SPATA16: variants seen among roughly 807,000 people sequenced by gnomAD.
SPATA16 encodes the protein spermatogenesis associated 16, also known as spermatogenesis-associated protein 16.
In SPATA16, 36 loss-of-function variants were observed where a neutral mutation model predicts 63.3. That is an observed-to-expected ratio of 0.57 (90% confidence interval 0.44 to 0.75). The LOEUF (loss-of-function observed/expected upper bound fraction) is 0.75, where lower values mean the gene tolerates loss of function less well. Ranked by LOEUF, SPATA16 falls within the 30% of genes least tolerant of loss-of-function variation. The probability of loss-of-function intolerance (pLI) is 0.00; values close to 1 mark genes in which losing one functional copy is unlikely to be tolerated. For synonymous variants in SPATA16, 203 were observed against 216.7 expected (o/e 0.94, Z 0.56); for missense variants, 646 against 679.3 (o/e 0.95, Z 0.54).
chr3:172,961,959 A>T (rs1166026945), intron 5 of SPATA16, among the ~76,000 whole-genome samples: 1 of 152,052 alleles, frequency 6.6e-6, no homozygotes, highest in African/African-American at 2.4e-5. Context: ...AGCTGCCTTA[A>T]GAAAGAGGAC....
chr3:172,980,359 A>G (rs1163727072), intron 4 of SPATA16, among the ~76,000 whole-genome samples: 2 of 152,182 alleles, frequency 1.3e-5, no homozygotes, highest in African/African-American at 4.8e-5. Context: ...TCTCTCTACC[A>G]TTAGAACAAT....
At chr3:173,049,361 T>C (rs571509107) in intron 2 of SPATA16, among the ~76,000 whole-genome samples, 1 of 152,250 alleles carries the variant, frequency 6.6e-6, no homozygotes, top group African/African-American at 2.4e-5. Context: ...TACTGTAAAA[T>C]CCTTCCTGTA....
intron 1 of SPATA16, among the ~76,000 whole-genome samples, chr3:173,125,356 C>T (rs1415085586): frequency 6.6e-6 from 1 of 152,180 alleles, no homozygotes. Flanking sequence ...ACACAGCAAC[C>T]CAAGTCATCC....
At position 172,982,881 on chromosome 3, in the gene SPATA16, A is replaced by G. The variant is rs143444318; in HGVS notation, c.849-5829T>C. 3.0e-3 allele frequency among the ~76,000 whole-genome samples: 453 copies of G among 152,302 alleles called. 2 individuals carry two copies. Among genetic ancestry groups the G allele is most frequent in the African/African-American group, 0.011 (443 of 41,560 alleles). On this transcript the variant is annotated intron_variant, in intron 4 of 10. Coordinates refer to ENST00000351008, the MANE Select transcript of SPATA16 (RefSeq NM_031955.6). ...TATGTTCAGATTCAAAATTTATAAC[A>G]TTTCTACTCAGTGTGGCCACATGGT... is the stretch of plus-strand genomic sequence containing the variant.
intron 4 of SPATA16, among the ~76,000 whole-genome samples, chr3:173,015,252 C>T (rs1381042455): frequency 6.6e-6 from 1 of 151,872 alleles, no homozygotes; most frequent in African/African-American, 2.4e-5. Context: ...TTAGTAGAGA[C>T]GGGGTTGCAC....
intron 3 of SPATA16, among the ~76,000 whole-genome samples, chr3:173,045,272 A>G (rs891283761): frequency 6.6e-6 from 1 of 152,074 alleles, no homozygotes; most frequent in African/African-American, 2.4e-5. Context: ...TTAACTTGAT[A>G]TCCATGTCCC....
chr3:172,901,840 C>T (rs996935716), intron 10 of SPATA16, among the ~76,000 whole-genome samples: 1 of 152,152 alleles, frequency 6.6e-6, no homozygotes, highest in African/African-American at 2.4e-5. Flanking sequence ...CCTTCACTGA[C>T]ACAACATTGT....
intron 8 of SPATA16, among the ~76,000 whole-genome samples, chr3:172,918,868 A>G (rs1732558020): frequency 1.3e-5 from 2 of 152,168 alleles, no homozygotes; most frequent in South Asian, 2.1e-4. Context: ...AACTGTCAAG[A>G]TTTAATAGCA....
intron 2 of SPATA16, among the ~76,000 whole-genome samples, chr3:173,091,555 T>C (rs1370091722): frequency 1.3e-5 from 2 of 152,164 alleles, no homozygotes; most frequent in Non-Finnish European, 2.9e-5. Context: ...TCAAGCTGTC[T>C]TTTGTAGCCA....
chr3:173,095,035 T>A (rs1481277180), intron 2 of SPATA16, among the ~76,000 whole-genome samples: 1 of 152,194 alleles, frequency 6.6e-6, no homozygotes, highest in East Asian at 1.9e-4. Flanking sequence ...TGTTATATAG[T>A]GGTCATAGTT....
At chr3:173,067,685 G>A (rs150799564) in intron 2 of SPATA16, among the ~76,000 whole-genome samples, 1 of 149,440 alleles carries the variant, frequency 6.7e-6, no homozygotes, top group African/African-American at 2.5e-5. Context: ...AGGGAGATAG[G>A]AGTAAAAATT....
chr3:173,011,647 G>GA (rs940429730), intron 4 of SPATA16, among the ~76,000 whole-genome samples: 30 of 151,528 alleles, frequency 2.0e-4, no homozygotes, highest in African/African-American at 6.1e-4. Flanking sequence ...CATACAAACA[G>GA]AAAAAAAAGA....
At chr3:172,937,605 T>C (rs1733036113) in intron 6 of SPATA16, among the ~76,000 whole-genome samples, 1 of 152,158 alleles carries the variant, frequency 6.6e-6, no homozygotes, top group African/African-American at 2.4e-5. Flanking sequence ...AGAGTACCTT[T>C]AAGATCTCTG....
chr3:173,029,402 CA>C (rs1735543500), intron 3 of SPATA16, among the ~76,000 whole-genome samples: 1 of 134,988 alleles, frequency 7.4e-6, no homozygotes, highest in Non-Finnish European at 1.5e-5. Flanking sequence ...TAACAGTAAT[CA>C]GAGTTTTTTT....
At chr3:173,116,567 A>C (rs1002950518) in intron 2 of SPATA16, among the ~76,000 whole-genome samples, 1 of 152,250 alleles carries the variant, frequency 6.6e-6, no homozygotes, top group Non-Finnish European at 1.5e-5. Context: ...ATAATTATTC[A>C]TAAAGATCAC....
intron 6 of SPATA16, among the ~76,000 whole-genome samples, chr3:172,947,611 G>A (rs1487944120): frequency 1.4e-5 from 2 of 147,694 alleles, no homozygotes; most frequent in Non-Finnish European, 2.9e-5. Context: ...TAAAAAGGAT[G>A]AGTTCTTGTC....
intron 5 of SPATA16, among the ~76,000 whole-genome samples, chr3:172,957,744 A>C (rs1281069498): frequency 6.6e-6 from 1 of 152,238 alleles, no homozygotes; most frequent in East Asian, 1.9e-4. Flanking sequence ...AAGCTTTTCA[A>C]CAGAGAAAAA....
intron 4 of SPATA16, among the ~76,000 whole-genome samples, chr3:173,007,465 T>G (rs6803683): frequency 0.014 from 2,128 of 152,284 alleles, 52 homozygotes; most frequent in African/African-American, 0.049. Context: ...AGAAAATTCT[T>G]AGTGTAGTGG....
At chr3:173,109,192 C>T (rs1240264805) in intron 2 of SPATA16, among the ~76,000 whole-genome samples, 1 of 152,102 alleles carries the variant, frequency 6.6e-6, no homozygotes, top group African/African-American at 2.4e-5. Flanking sequence ...GCCTACCTCC[C>T]GACCCTCATT....
Sources: gnomAD v4.1 joint callset for allele counts (sites outside exome capture counted in the v4.1 genomes callset) on GRCh38, gnomAD v4.1.1 for gene constraint, MANE v1.5 for transcripts, NCBI Gene and HGNC (gene_info 2026-07-23, HGNC 2026-07-21) for gene names.